Variants in MECOM observed in about 807,000 individuals in gnomAD.
MECOM encodes the protein histone-lysine N-methyltransferase MECOM.
Under a neutral mutation model 116.3 loss-of-function variants are expected in MECOM, and 13 were observed. The observed-to-expected ratio is 0.11, with a 90% confidence interval of 0.07 to 0.18. The LOEUF is 0.18. MECOM is among the 10% of genes least tolerant of loss of function. The probability of loss-of-function intolerance (pLI) is 1.00; values close to 1 mark genes in which losing one functional copy is unlikely to be tolerated. For missense variants in MECOM, 1,299 were observed against 1,509.0 expected, an observed-to-expected ratio of 0.86 and a Z score of 2.31; for synonymous variants, 528 against 535.2, an observed-to-expected ratio of 0.99 and a Z score of 0.19.
At chr3:169,327,651 A>G (rs1033457550) in intron 2 of MECOM, among the ~76,000 whole-genome samples, 1 of 151,768 alleles carries the variant, frequency 6.6e-6, no homozygotes, top group African/African-American at 2.4e-5. Flanking sequence ...AAAAAAAAAA[A>G]AAAAAAGAAA....
chr3:169,332,754 A>C (rs1215783152), intron 2 of MECOM, among the ~76,000 whole-genome samples: 1 of 152,230 alleles, frequency 6.6e-6, no homozygotes, highest in East Asian at 1.9e-4. Context: ...ACATACACAC[A>C]GTAAACAATG....
At chr3:169,252,157 C>CT (rs939020470) in intron 2 of MECOM, among the ~76,000 whole-genome samples, 1 of 152,078 alleles carries the variant, frequency 6.6e-6, no homozygotes, top group Non-Finnish European at 1.5e-5. Flanking sequence ...TTTTAAAACT[C>CT]TGTCTATTAA....
intron 2 of MECOM, among the ~76,000 whole-genome samples, chr3:169,325,528 T>G (rs148178602): frequency 1.3e-5 from 2 of 152,322 alleles, no homozygotes; most frequent in African/African-American, 4.8e-5. Context: ...TAAAGCATCT[T>G]AACACCAACA....
chr3:169,086,843 C>T lies in MECOM; in HGVS notation c.3586-1800G>A, dbSNP rs1452090953. On this transcript the variant is annotated intron_variant, in intron 16 of 16. Coordinates refer to ENST00000651503, the MANE Select transcript of MECOM (RefSeq NM_004991.4). Reference sequence around the variant, plus strand: ...CAGAATAAATATATGAATGCTTTGACTAAAGCATCTGAGCCTTTAGATTCT... The same window carrying T: ...CAGAATAAATATATGAATGCTTTGATTAAAGCATCTGAGCCTTTAGATTCT... 2.6e-5 allele frequency among the ~76,000 whole-genome samples: 4 copies of T among 152,294 alleles called. No individual in the cohort carries two copies. In the East Asian group the frequency reaches 7.7e-4, roughly 29 times the overall value.
chr3:169,534,461 A>C (rs1186393331), intron 1 of MECOM, among the ~76,000 whole-genome samples: 2 of 152,082 alleles, frequency 1.3e-5, no homozygotes, highest in Non-Finnish European at 1.5e-5. Context: ...TGGTAGTGGC[A>C]TCTTTCACTG....
chr3:169,271,812 T>C (rs1758973611), intron 2 of MECOM, among the ~76,000 whole-genome samples: 1 of 152,196 alleles, frequency 6.6e-6, no homozygotes, highest in African/African-American at 2.4e-5. Context: ...AGATATTTAT[T>C]ACTCTCTTAA....
chr3:169,200,910 G>C (rs1204101041), intron 2 of MECOM, among the ~76,000 whole-genome samples: 6 of 151,982 alleles, frequency 3.9e-5, no homozygotes, highest in Admixed American at 3.9e-4. Context: ...CATCCCCAAA[G>C]ACTTTCCTGA....
intron 1 of MECOM, among the ~76,000 whole-genome samples, chr3:169,636,546 C>A (rs536676832): frequency 6.6e-6 from 1 of 152,286 alleles, no homozygotes; most frequent in East Asian, 1.9e-4. Context: ...GTCAGATGAA[C>A]TTCTAAATAC....
chr3:169,418,261 G>T (rs1035360536), intron 1 of MECOM, among the ~76,000 whole-genome samples: 2 of 151,686 alleles, frequency 1.3e-5, no homozygotes, highest in African/African-American at 4.8e-5. Flanking sequence ...TAATTAATAG[G>T]CTACCAACCA....
At chr3:169,605,815 G>A (rs1768461101) in intron 1 of MECOM, among the ~76,000 whole-genome samples, 1 of 152,166 alleles carries the variant, frequency 6.6e-6, no homozygotes, top group Admixed American at 6.5e-5. Context: ...CAGAAGCCAT[G>A]GATATCATGT....
chr3:169,180,648 T>A (rs564810074), intron 2 of MECOM, among the ~76,000 whole-genome samples: 1 of 151,882 alleles, frequency 6.6e-6, no homozygotes, highest in South Asian at 2.1e-4. Flanking sequence ...TTTGTCTTTG[T>A]AAGTATTGGA....
At chr3:169,607,915 A>T (rs1768792522) in intron 1 of MECOM, among the ~76,000 whole-genome samples, 1 of 152,300 alleles carries the variant, frequency 6.6e-6, no homozygotes, top group South Asian at 2.1e-4. Flanking sequence ...ATATTTTATA[A>T]TCTACAGCCA....
chr3:169,521,183 G>A (rs1757313797), intron 1 of MECOM, among the ~76,000 whole-genome samples: 3 of 152,122 alleles, frequency 2.0e-5, no homozygotes, highest in Non-Finnish European at 4.4e-5. Context: ...GGCTGGTTGG[G>A]TCCAGAGTTC....
intron 2 of MECOM, among the ~76,000 whole-genome samples, chr3:169,318,570 A>C (rs901977917): frequency 6.6e-6 from 1 of 152,228 alleles, no homozygotes; most frequent in Non-Finnish European, 1.5e-5. Flanking sequence ...ACAATGAGAT[A>C]CCATCTCATG....
At chr3:169,542,315 T>C (rs981859164) in intron 1 of MECOM, among the ~76,000 whole-genome samples, 5 of 148,324 alleles carry the variant, frequency 3.4e-5, no homozygotes, top group Non-Finnish European at 7.4e-5. Context: ...ATGTTTTGTT[T>C]TGTCTTCTAG....
chr3:169,630,971 T>C (rs1053421480), intron 1 of MECOM, among the ~76,000 whole-genome samples: 1 of 152,178 alleles, frequency 6.6e-6, no homozygotes, highest in African/African-American at 2.4e-5. Context: ...GAGGGAAGCC[T>C]CCATCCCCAT....
At chr3:169,195,978 C>G (rs1363279372) in intron 2 of MECOM, among the ~76,000 whole-genome samples, 2 of 152,058 alleles carry the variant, frequency 1.3e-5, no homozygotes, top group Admixed American at 1.3e-4. Context: ...TTACCATAGT[C>G]TGCTGAAACC....
intron 1 of MECOM, among the ~76,000 whole-genome samples, chr3:169,424,583 T>C (rs1740328245): frequency 6.6e-6 from 1 of 152,152 alleles, no homozygotes; most frequent in Non-Finnish European, 1.5e-5. Flanking sequence ...GTACACAATG[T>C]GAAACATGAC....
At chr3:169,300,503 C>A (rs1007312081) in intron 2 of MECOM, among the ~76,000 whole-genome samples, 5 of 152,142 alleles carry the variant, frequency 3.3e-5, no homozygotes, top group African/African-American at 1.2e-4. Flanking sequence ...ATGTTCTATA[C>A]CCTCTTAAAG....
Sources: allele counts gnomAD v4.1 joint callset (sites outside exome capture counted in the v4.1 genomes callset), GRCh38; gene constraint gnomAD v4.1.1; transcripts MANE v1.5; gene names NCBI Gene and HGNC (gene_info 2026-07-23, HGNC 2026-07-21).